ZNF354B: variants seen among roughly 807,000 people sequenced by gnomAD.
The protein encoded by ZNF354B is zinc finger protein 354B.
In ZNF354B, 10 loss-of-function variants were observed where a neutral mutation model predicts 12.9. That is an observed-to-expected ratio of 0.77 (90% CI 0.48 to 1.31). ZNF354B has a LOEUF of 1.31. Among genes scored for constraint, ZNF354B ranks in the 40% most tolerant of loss-of-function variants. The pLI, the probability that ZNF354B is intolerant of heterozygous loss-of-function variation, is 0.00. For missense variants in ZNF354B, 614 were observed against 711.7 expected (o/e 0.86, Z 1.56); for synonymous variants, 260 against 243.7 (o/e 1.07, Z -0.62).
intron 2 of ZNF354B, among the ~76,000 whole-genome samples, chr5:178,863,331 C>T (rs61108997): frequency 0.15 from 22,539 of 151,958 alleles, 2,042 homozygotes; most frequent in African/African-American, 0.25. Context: ...TATAGTTGTG[C>T]ATTGCATAAT....
At chr5:178,878,303 A>C (rs1376886038) in intron 4 of ZNF354B, among the ~76,000 whole-genome samples, 1 of 152,048 alleles carries the variant, frequency 6.6e-6, no homozygotes, top group Non-Finnish European at 1.5e-5. Context: ...GAATGGCGTG[A>C]ACCCGGGAGG....
chr5:178,878,746 A>C (rs1296081666), intron 4 of ZNF354B, among the ~76,000 whole-genome samples: 1 of 152,104 alleles, frequency 6.6e-6, no homozygotes, highest in Non-Finnish European at 1.5e-5. Context: ...CTTGTTACCC[A>C]GGCTGGAGTG....
At position 178,884,888 on chromosome 5, in the gene ZNF354B, A is replaced by G. The variant is rs1581818818; in HGVS notation, c.*597A>G. 6.6e-6 allele frequency: 1 copy of G among 152,160 alleles called. No homozygotes were observed. The highest frequency in any genetic ancestry group is 2.4e-5 in the African/African-American group (1 of 41,428). The allele number at this position is 152,160 out of a possible 1,614,324, so 9.4% of individuals were successfully genotyped here. A position where few individuals can be genotyped will look rare whatever the true frequency, so the allele number is the denominator to read the frequency against. ...ATTCGCACTTTCTCCTGAAATATAT[A>G]TATATATGCAGTATTAGAGCAAAGG... is the stretch of plus-strand genomic sequence containing the variant. On this transcript the variant is annotated 3_prime_UTR_variant, in exon 5 of 5. Coordinates refer to ENST00000322434, the MANE Select transcript of ZNF354B (RefSeq NM_058230.3).
At chr5:178,865,987 A>G (rs1277863936) in intron 2 of ZNF354B, among the ~76,000 whole-genome samples, 1 of 152,150 alleles carries the variant, frequency 6.6e-6, no homozygotes, top group Non-Finnish European at 1.5e-5. Flanking sequence ...ACGAAAGATT[A>G]TTCTAATTAA....
intron 4 of ZNF354B, among the ~76,000 whole-genome samples, chr5:178,872,017 C>T (rs1385377371): frequency 2.6e-5 from 4 of 152,084 alleles, no homozygotes; most frequent in African/African-American, 7.2e-5. Context: ...TAGTATAATA[C>T]CACAACCAAG....
intron 1 of ZNF354B, among the ~76,000 whole-genome samples, 174 bp downstream of exon 1, chr5:178,860,301 C>CT (rs1284966619): frequency 1.3e-5 from 2 of 151,920 alleles, no homozygotes. Context: ...GGTGCCGCTG[C>CT]CGACGCCCCT....
At chr5:178,880,459 A>G (rs1757701129) in intron 4 of ZNF354B, among the ~76,000 whole-genome samples, 1 of 150,660 alleles carries the variant, frequency 6.6e-6, no homozygotes. Flanking sequence ...CAGCCTCCCA[A>G]AGTTTTGGGA....
intron 2 of ZNF354B, among the ~76,000 whole-genome samples, chr5:178,863,233 TATATATAC>T (rs1311054113): frequency 6.6e-6 from 1 of 152,206 alleles, no homozygotes; most frequent in South Asian, 2.1e-4. Flanking sequence ...AAAACATTTA[TATATATAC>T]ATATGTATAT....
At chr5:178,868,833 A>T (rs186159699) in intron 4 of ZNF354B, among the ~76,000 whole-genome samples, 7 of 151,790 alleles carry the variant, frequency 4.6e-5, no homozygotes, top group African/African-American at 1.7e-4. Context: ...TTAGCCGGGC[A>T]TGGTGGCGGG....
chr5:178,863,205 G>A (rs181258884), intron 2 of ZNF354B, among the ~76,000 whole-genome samples: 4 of 152,160 alleles, frequency 2.6e-5, no homozygotes, highest in African/African-American at 9.6e-5. Context: ...CAGGGTTATG[G>A]TGTAAATTTT....
Position 178,884,368 on chromosome 5 carries a change from T to G in ZNF354B, c.*77T>G. The G allele has an allele frequency of 7.0e-7, 1 of 1,418,772 alleles. No individual in the cohort carries two copies. The highest frequency in any genetic ancestry group is 9.5e-7 in the Non-Finnish European group (1 of 1,054,498). 87.9% of individuals were successfully genotyped at this position (1,418,772 alleles called of 1,614,324 possible). ...AAATATAATGAATATGAGAAAACTC[T>G]TAGTTCTCATCAGATACTAAGTTTT... On this transcript the variant is annotated 3_prime_UTR_variant, in exon 5 of 5. Transcript: ENST00000322434.
rs115076790 is a variant in ZNF354B at position 178,875,281 on chromosome 5, G to A, written c.257-7428G>A. On this transcript the variant is annotated intron_variant, in intron 4 of 4. Transcript: ENST00000322434. ...GGGGAAGGGACTCCGGTTGGTGGTA[G>A]TTGTGGCAGAGAGCCTTTCACTTGT... Among the ~76,000 whole-genome samples the A allele has an allele frequency of 1.9e-3, 286 of 152,324 alleles. 2 individuals are homozygous for A. The highest frequency in any genetic ancestry group is 6.5e-3 in the African/African-American group (272 of 41,574).
Position 178,883,153 on chromosome 5 carries a change from A to C in ZNF354B, c.701A>C (p.Lys234Thr). 1.2e-6 allele frequency: 2 copies of C among 1,613,592 alleles called. No homozygotes were observed. Among genetic ancestry groups the C allele is most frequent in the South Asian group, 2.2e-5 (2 of 90,846 alleles). ...IHNSSLRKHQ[K>T]NHTGEKLFKC... ...AATTCATCCCTTCGTAAACATCAGAAAAACCACACTGGAGAAAAATTATTT... is the reference window on the plus strand; with the variant it reads ...AATTCATCCCTTCGTAAACATCAGACAAACCACACTGGAGAAAAATTATTT... Residue 234 changes from lysine to threonine, a missense_variant, in exon 5 of 5, where the codon AAA (lysine) becomes ACA (threonine). Transcript: ENST00000322434.
In ZNF354B at chr5:178,884,454, T is replaced by C. The variant is rs978108867; in HGVS notation, c.*163T>C. On this transcript the variant is annotated 3_prime_UTR_variant, in exon 5 of 5. Transcript: ENST00000322434. ...AAAGCTTTTATACTTGTCACTCACT[T>C]TTTAAAATATCCCGAGACAGTTCAC... 6 of 704,034 alleles carry C rather than the reference T, an allele frequency of 8.5e-6. No individual in the cohort carries two copies. The highest frequency in any genetic ancestry group is 1.1e-5 in the Non-Finnish European group (5 of 453,710). 43.6% of individuals were successfully genotyped at this position (704,034 alleles called of 1,614,324 possible). A position where few individuals can be genotyped will look rare whatever the true frequency, so the allele number is the denominator to read the frequency against.
rs1561671859 is a variant in ZNF354B, at chr5:178,883,183, G to A, written c.731G>A (p.Cys244Tyr). The A allele has an allele frequency of 1.2e-6, 2 of 1,613,526 alleles. No homozygotes were observed. Among genetic ancestry groups the A allele is most frequent in the Non-Finnish European group, 1.7e-6 (2 of 1,179,874 alleles). Residue 244 changes from cysteine (C) to tyrosine (Y), a missense_variant, in exon 5 of 5, where the codon TGT (cysteine) becomes TAT (tyrosine). Cys to Tyr is a radical substitution (Grantham distance 194). Transcript: ENST00000322434. Reference sequence around the variant, plus strand: ...CACACTGGAGAAAAATTATTTAAATGTAAAGAATGTTTAAAAGCTTTCAGC... The same window carrying A: ...CACACTGGAGAAAAATTATTTAAATATAAAGAATGTTTAAAAGCTTTCAGC... ...KNHTGEKLFKCKECLKAFSQS... is the reference protein window; with the variant it reads ...KNHTGEKLFKYKECLKAFSQS...
chr5:178,872,008 A>T (rs1332808036), intron 4 of ZNF354B, among the ~76,000 whole-genome samples: 1 of 152,240 alleles, frequency 6.6e-6, no homozygotes, highest in East Asian at 1.9e-4. Context: ...CCAAAACCAT[A>T]GTATAATACC....
chr5:178,872,457 G>C (rs773377208), intron 4 of ZNF354B, among the ~76,000 whole-genome samples: 1 of 152,174 alleles, frequency 6.6e-6, no homozygotes, highest in African/African-American at 2.4e-5. Flanking sequence ...TTCATGTGCA[G>C]GTTTTTGTGC....
At chr5:178,867,706 C>G (rs1308964445) in intron 4 of ZNF354B, among the ~76,000 whole-genome samples, 1 of 152,090 alleles carries the variant, frequency 6.6e-6, no homozygotes, top group African/African-American at 2.4e-5. Context: ...GGGACGCCAC[C>G]ATTTATGTCT....
At position 178,883,911 on chromosome 5, in the gene ZNF354B, A is replaced by G. The variant is rs776593374; in HGVS notation, c.1459A>G (p.Met487Val). The change falls in exon 5 of 5, where the codon ATG becomes GTG. Residue 487 changes from methionine to valine, a missense_variant. Physicochemically the swap from Met to Val is conservative, Grantham distance 21 (BLOSUM62 1). Coordinates refer to ENST00000322434, the MANE Select transcript of ZNF354B (RefSeq NM_058230.3). ...QSSALIQHQR[M>V]HTGERPYKCN... Reference sequence around the variant, plus strand: ...TTCCGCTCTCATTCAACATCAGAGAATGCATACTGGAGAAAGACCCTATAA... The same window carrying G: ...TTCCGCTCTCATTCAACATCAGAGAGTGCATACTGGAGAAAGACCCTATAA... 1.2e-6 allele frequency: 2 copies of G among 1,614,144 alleles called. No individual in the cohort carries two copies. Among genetic ancestry groups the G allele is most frequent in the South Asian group, 2.2e-5 (2 of 91,086 alleles).
Sources: allele counts gnomAD v4.1 joint callset (sites outside exome capture counted in the v4.1 genomes callset), GRCh38; gene constraint gnomAD v4.1.1; transcripts MANE v1.5; gene names NCBI Gene and HGNC (gene_info 2026-07-23, HGNC 2026-07-21).